HDAC2: variants seen among roughly 807,000 people sequenced by gnomAD.
HDAC2 encodes the protein histone deacetylase 2.
Under a neutral mutation model 68.5 loss-of-function variants are expected in HDAC2, and 5 were observed. The ratio of observed to expected loss-of-function variants is 0.07; its 90% confidence interval spans 0.04 to 0.15. The LOEUF (loss-of-function observed/expected upper bound fraction) is 0.15. HDAC2 is among the 10% of genes least tolerant of loss of function. The probability of loss-of-function intolerance (pLI) is 1.00; values close to 1 mark genes in which losing one functional copy is unlikely to be tolerated. For missense variants in HDAC2, 291 were observed against 600.8 expected (o/e 0.48, Z 5.39); for synonymous variants, 182 against 191.3 (o/e 0.95, Z 0.40).
At chr6:113,950,727 G>A (rs977527768) in intron 6 of HDAC2, among the ~76,000 whole-genome samples, 2 of 151,292 alleles carry the variant, frequency 1.3e-5, no homozygotes, top group African/African-American at 4.9e-5. Flanking sequence ...ATTCTTATGT[G>A]CGTTGAATGA....
chr6:113,953,572 G>C (rs1776471990), intron 5 of HDAC2, among the ~76,000 whole-genome samples, 154 bp from the exon 6 acceptor site: 1 of 152,166 alleles, frequency 6.6e-6, no homozygotes, highest in African/African-American at 2.4e-5. Context: ...AAATATCTGA[G>C]GTTTGAGCCT....
intron 6 of HDAC2, among the ~76,000 whole-genome samples, chr6:113,950,941 G>A (rs2810166): frequency 1 from 151,995 of 152,324 alleles, 75,836 homozygotes; most frequent in Middle Eastern, 1. Flanking sequence ...TGAAGTCTAA[G>A]TTTTTATTAA....
In HDAC2 at chr6:113,940,953, A is replaced by G. The variant is rs1776116805; in HGVS notation, c.*105T>C. 3 of 829,278 alleles carry G rather than the reference A, an allele frequency of 3.6e-6. No individual in the cohort carries two copies. Among genetic ancestry groups the G allele is most frequent in the Non-Finnish European group, 5.7e-6 (3 of 521,890 alleles). 51.4% of individuals were successfully genotyped at this position (829,278 alleles called of 1,614,324 possible). A position where few individuals can be genotyped will look rare whatever the true frequency, so the allele number is the denominator to read the frequency against. On this transcript the variant is annotated 3_prime_UTR_variant, in exon 14 of 14. Transcript: ENST00000519065. ...AGCCATTTGAAAATAAATACAGTCC[A>G]TGCCAAAGTAGTATAAAATGAAGCC...
chr6:113,957,643 C>T (rs1177575936), intron 3 of HDAC2, among the ~76,000 whole-genome samples: 2 of 152,058 alleles, frequency 1.3e-5, no homozygotes, highest in Non-Finnish European at 2.9e-5. Context: ...CACCACCACA[C>T]CCAGCTAATT....
chr6:113,949,580 A>G (rs897384908), intron 6 of HDAC2, among the ~76,000 whole-genome samples: 1 of 152,226 alleles, frequency 6.6e-6, no homozygotes, highest in African/African-American at 2.4e-5. Context: ...CAGAAAATCC[A>G]TCATAAATAG....
intron 2 of HDAC2, among the ~76,000 whole-genome samples, chr6:113,959,371 T>C (rs556396844): frequency 4.6e-5 from 7 of 152,072 alleles, no homozygotes; most frequent in Non-Finnish European, 8.8e-5. Context: ...AAATAGCTAA[T>C]TGTCGTGTCT....
At chr6:113,942,048 A>G (rs1268262822) in intron 12 of HDAC2, among the ~76,000 whole-genome samples, 1 of 152,056 alleles carries the variant, frequency 6.6e-6, no homozygotes, top group Non-Finnish European at 1.5e-5. Context: ...TTCATTTTTC[A>G]GTAGGCTGAA....
At chr6:113,968,011 A>C (rs1213030537) in intron 1 of HDAC2, among the ~76,000 whole-genome samples, 1 of 152,200 alleles carries the variant, frequency 6.6e-6, no homozygotes, top group African/African-American at 2.4e-5. Flanking sequence ...CAGTGACCTA[A>C]AGGGTTACCT....
chr6:113,964,577 T>C (rs1426843583), intron 1 of HDAC2, among the ~76,000 whole-genome samples: 1 of 152,156 alleles, frequency 6.6e-6, no homozygotes, highest in Non-Finnish European at 1.5e-5. Flanking sequence ...GAACAATAGT[T>C]CTGCCCTAAA....
In HDAC2 at chr6:113,964,420, A is replaced by G. The variant is rs1022605342; in HGVS notation, c.53-4402T>C. On this transcript the variant is annotated intron_variant, in intron 1 of 13. Coordinates refer to ENST00000519065, the MANE Select transcript of HDAC2 (RefSeq NM_001527.4). ...TCGGAGCCTTGGCTTCCATAATACCATTTTCTTGGGATTTTACTTGTACCC... is the reference window on the plus strand; with the variant it reads ...TCGGAGCCTTGGCTTCCATAATACCGTTTTCTTGGGATTTTACTTGTACCC... Among the ~76,000 whole-genome samples the G allele has an allele frequency of 2.6e-5, 4 of 151,942 alleles. No homozygotes were observed. The East Asian group carries it at 7.7e-4, about 29-fold the overall frequency.
At position 113,946,101 on chromosome 6, in the gene HDAC2, G is replaced by C. The variant is rs765201813; in HGVS notation, c.889C>G (p.Leu297Val). ...GTGTAGCCACCTCCTCCAAGCATCA[G>C]TAATGGTAAGTTAAAAGTTTTTACA... Reference protein sequence around the residue: ...EVVKTFNLPLLMLGGGGYTIR... With the variant: ...EVVKTFNLPLVMLGGGGYTIR... The change falls in exon 9 of 14, where the codon CTG (leucine) becomes GTG (valine). Residue 297 changes from leucine (L) to valine (V), a missense_variant. This residue lies in a region of HDAC2 where 154 missense variants were observed against 472.1 expected (regional missense o/e 0.33). Transcript: ENST00000519065. 6.2e-7 allele frequency: 1 copy of C among 1,612,824 alleles called. No homozygotes were observed. The highest frequency in any genetic ancestry group is 8.5e-7 in the Non-Finnish European group (1 of 1,178,826).
chr6:113,938,666 T>C lies in HDAC2; in HGVS notation c.*2392A>G, dbSNP rs1466429996. 1.3e-5 allele frequency: 2 copies of C among 152,228 alleles called. No homozygotes were observed. The highest frequency in any genetic ancestry group is 2.4e-5 in the African/African-American group (1 of 41,458). The allele number at this position is 152,228 out of a possible 1,614,324, so 9.4% of individuals were successfully genotyped here. A position where few individuals can be genotyped will look rare whatever the true frequency, so the allele number is the denominator to read the frequency against. ...TATCATTTTTATCCTATATGAATTT[T>C]TTAAAGTATTAGGGTATTCTGACAT... On this transcript the variant is annotated 3_prime_UTR_variant, in exon 14 of 14. Coordinates refer to ENST00000519065, the MANE Select transcript of HDAC2 (RefSeq NM_001527.4).
At chr6:113,960,120 C>T in intron 1 of HDAC2, 102 bp from the exon 2 acceptor site, 1 of 692,774 alleles carries the variant, frequency 1.4e-6, no homozygotes, top group Non-Finnish European at 2.6e-6. Flanking sequence ...TACTACTTAA[C>T]AAAATTTATT....
At chr6:113,947,224 TTTA>T (rs1776284918) in intron 8 of HDAC2, 1 of 152,132 alleles carries the variant, frequency 6.6e-6, no homozygotes, top group Non-Finnish European at 1.5e-5. Context: ...AACAAAGATG[TTTA>T]CTTTTCCTTC....
intron 1 of HDAC2, among the ~76,000 whole-genome samples, chr6:113,960,422 T>C (rs1299350335): frequency 3.3e-5 from 5 of 152,088 alleles, no homozygotes; most frequent in Admixed American, 1.3e-4. Context: ...TTTGGATGAT[T>C]TGCTGGCATT....
At chr6:113,943,295 C>T in intron 12 of HDAC2, 56 bp downstream of exon 12, 1 of 1,410,868 alleles carries the variant, frequency 7.1e-7, no homozygotes, top group Non-Finnish European at 9.8e-7. Flanking sequence ...CATTATAATG[C>T]AGCCCAATTT....
In HDAC2 at chr6:113,953,324, AT is replaced by A; in HGVS notation, c.591del (p.Ser198HisfsTer15). ...AFYTTDRVMT[V>X]SFHKYGEYFP... ...AAGTATTCCCCATATTTATGGAATG[AT>A]ACCGTCATTACACGATCTGTTGTAT... On this transcript the variant is annotated frameshift_variant, in exon 6 of 14. Coordinates refer to ENST00000519065, the MANE Select transcript of HDAC2 (RefSeq NM_001527.4). LOFTEE classifies it high-confidence loss of function. The A allele has an allele frequency of 6.2e-7, 1 of 1,608,752 alleles. No individual in the cohort carries two copies. The highest frequency in any genetic ancestry group is 8.5e-7 in the Non-Finnish European group (1 of 1,175,348).
At chr6:113,948,925 T>G in intron 8 of HDAC2, 54 bp downstream of exon 8, 1 of 1,590,530 alleles carries the variant, frequency 6.3e-7, no homozygotes, top group Non-Finnish European at 8.6e-7. Context: ...GGGGAGTTCT[T>G]GGGTGGAAGA....
At chr6:113,947,847 T>C (rs996659922) in intron 8 of HDAC2, 3 of 152,124 alleles carry the variant, frequency 2.0e-5, no homozygotes, top group Non-Finnish European at 4.4e-5. Context: ...TTTTAATATC[T>C]GTATTTAGTT....
Sources: allele counts gnomAD v4.1 joint callset (sites outside exome capture counted in the v4.1 genomes callset), GRCh38; gene constraint gnomAD v4.1.1; regional missense constraint gnomAD v4.1.1; transcripts MANE v1.5; gene names NCBI Gene and HGNC (gene_info 2026-07-23, HGNC 2026-07-21).